The following PTPRO variants were observed in gnomAD, a reference collection of about 807,000 sequenced individuals.
PTPRO encodes receptor-type tyrosine-protein phosphatase O.
PTPRO carries 62 observed loss-of-function variants against 145.2 expected under a neutral mutation model. The observed-to-expected ratio is 0.43, with a 90% confidence interval of 0.35 to 0.53. The LOEUF (loss-of-function observed/expected upper bound fraction) is 0.53, where lower values mean the gene tolerates loss of function less well. PTPRO is among the 20% of genes least tolerant of loss of function. The pLI is 0.01. For synonymous variants in PTPRO, 565 were observed against 514.7 expected (o/e 1.10, Z -1.32); for missense variants, 1,345 against 1,482.7 (o/e 0.91, Z 1.53).
intron 7 of PTPRO, among the ~76,000 whole-genome samples, chr12:15,514,660 G>A (rs1244118761): frequency 6.6e-6 from 1 of 151,950 alleles, no homozygotes; most frequent in Non-Finnish European, 1.5e-5. Context: ...CTAAATATAT[G>A]ACCTTGGCCA....
At chr12:15,475,146 T>G (rs574346318) in intron 1 of PTPRO, among the ~76,000 whole-genome samples, 58 of 152,354 alleles carry the variant, frequency 3.8e-4, no homozygotes, top group Admixed American at 1.1e-3. Context: ...TTAAACACTT[T>G]ACAAAATTGA....
At chr12:15,394,073 T>C (rs1422034035) in intron 1 of PTPRO, among the ~76,000 whole-genome samples, 1 of 152,144 alleles carries the variant, frequency 6.6e-6, no homozygotes, top group Non-Finnish European at 1.5e-5. Flanking sequence ...AATGGACTAA[T>C]ACATTCATGA....
chr12:15,581,856 C>T, intron 23 of PTPRO, 55 bp downstream of exon 23: 1 of 1,611,312 alleles, frequency 6.2e-7, no homozygotes. Flanking sequence ...CTGCTGAGAC[C>T]AGTTTGGTCG....
chr12:15,590,951 T>C (rs993584801), intron 25 of PTPRO, among the ~76,000 whole-genome samples: 1 of 152,232 alleles, frequency 6.6e-6, no homozygotes, highest in African/African-American at 2.4e-5. Context: ...CACCTTGATA[T>C]GTGATTAAAA....
chr12:15,347,853 A>T (rs1320193575), intron 1 of PTPRO, among the ~76,000 whole-genome samples: 1 of 152,222 alleles, frequency 6.6e-6, no homozygotes, highest in Non-Finnish European at 1.5e-5. Context: ...AACACTTATG[A>T]AAAGTTATGA....
intron 18 of PTPRO, among the ~76,000 whole-genome samples, chr12:15,567,959 T>C (rs1263460019): frequency 6.6e-6 from 1 of 152,210 alleles, no homozygotes; most frequent in Non-Finnish European, 1.5e-5. Flanking sequence ...GTGTAGCGTG[T>C]TTTATAAATG....
At chr12:15,383,600 C>T (rs569319907) in intron 1 of PTPRO, among the ~76,000 whole-genome samples, 2 of 152,282 alleles carry the variant, frequency 1.3e-5, no homozygotes, top group South Asian at 4.1e-4. Context: ...GATTGGGTTA[C>T]ACCTTAATTT....
chr12:15,435,996 G>A (rs529559531), intron 1 of PTPRO, among the ~76,000 whole-genome samples: 1 of 152,300 alleles, frequency 6.6e-6, no homozygotes, highest in South Asian at 2.1e-4. Context: ...TGTTCATCAT[G>A]GAAACTGAAC....
intron 9 of PTPRO, among the ~76,000 whole-genome samples, chr12:15,518,037 C>A (rs1942636102): frequency 6.6e-6 from 1 of 151,950 alleles, no homozygotes; most frequent in African/African-American, 2.4e-5. Context: ...CATTGCCTAG[C>A]AGAGGGCATG....
chr12:15,558,967 C>T (rs1203079374), intron 16 of PTPRO, among the ~76,000 whole-genome samples: 2 of 152,104 alleles, frequency 1.3e-5, no homozygotes, highest in African/African-American at 2.4e-5. Context: ...AGTTAGGAAA[C>T]GTTACTAGGT....
At chr12:15,413,443 G>C (rs749589595) in intron 1 of PTPRO, among the ~76,000 whole-genome samples, 2 of 152,130 alleles carry the variant, frequency 1.3e-5, no homozygotes, top group Admixed American at 1.3e-4. Flanking sequence ...TGTAGTGAAT[G>C]ATTATATGCT....
chr12:15,345,244 G>A (rs1867159147), intron 1 of PTPRO, among the ~76,000 whole-genome samples: 1 of 152,104 alleles, frequency 6.6e-6, no homozygotes, highest in Admixed American at 6.5e-5. Flanking sequence ...AAACTGAATT[G>A]TCTGTGTCAA....
chr12:15,328,895 A>G (rs1866527952), intron 1 of PTPRO, among the ~76,000 whole-genome samples: 2 of 152,222 alleles, frequency 1.3e-5, no homozygotes, highest in Admixed American at 1.3e-4. Flanking sequence ...TTACTAGCAA[A>G]TTAAAAGAAT....
Position 15,435,128 on chromosome 12 carries a change from T to G in PTPRO, c.76-48846T>G, listed in dbSNP as rs187219988. ...GTCACTATCATGTATGAAGCATCTC[T>G]CATATTCATAAAGTGTGGGCAAGAG... On this transcript the variant is annotated intron_variant, in intron 1 of 26. Coordinates refer to ENST00000281171, the MANE Select transcript of PTPRO (RefSeq NM_030667.3). 7.4e-4 allele frequency among the ~76,000 whole-genome samples: 112 copies of G among 152,302 alleles called. 1 individual carries two copies. Among genetic ancestry groups the G allele is most frequent in the South Asian group, 3.5e-3 (17 of 4,820 alleles).
chr12:15,493,894 T>C (rs1481773354), intron 2 of PTPRO, among the ~76,000 whole-genome samples: 1 of 152,174 alleles, frequency 6.6e-6, no homozygotes. Flanking sequence ...AACAGGTATA[T>C]TGTGTAGGTT....
At chr12:15,593,436 T>A (rs991456735) in intron 25 of PTPRO, among the ~76,000 whole-genome samples, 5 of 152,252 alleles carry the variant, frequency 3.3e-5, no homozygotes, top group Non-Finnish European at 5.9e-5. Context: ...CAGAAAGATA[T>A]ATTTTGGTGA....
At chr12:15,574,485 T>C (rs931506360) in intron 19 of PTPRO, among the ~76,000 whole-genome samples, 16 of 152,326 alleles carry the variant, frequency 1.1e-4, no homozygotes, top group Admixed American at 4.6e-4. Flanking sequence ...TGTTCAGACA[T>C]GTGGCTGCAA....
chr12:15,363,107 T>C (rs1938257689), intron 1 of PTPRO, among the ~76,000 whole-genome samples: 2 of 152,204 alleles, frequency 1.3e-5, no homozygotes, highest in African/African-American at 4.8e-5. Flanking sequence ...GTGCCGACCT[T>C]GGGTATGTCT....
chr12:15,580,603 C>T (rs917755290), intron 21 of PTPRO, 94 bp from the exon 22 acceptor site: 10 of 1,500,640 alleles, frequency 6.7e-6, no homozygotes, highest in Non-Finnish European at 9.2e-6. Context: ...AATTTTATCA[C>T]CAGTAAGTTT....
Sources: allele counts gnomAD v4.1 joint callset (sites outside exome capture counted in the v4.1 genomes callset), GRCh38; gene constraint gnomAD v4.1.1; transcripts MANE v1.5; gene names NCBI Gene and HGNC (gene_info 2026-07-23, HGNC 2026-07-21).